The following SEMA6D variants were observed in gnomAD, a reference collection of about 807,000 sequenced individuals.
SEMA6D encodes the protein semaphorin-6D.
Under a neutral mutation model 106.6 loss-of-function variants are expected in SEMA6D, and 35 were observed. The observed-to-expected ratio is 0.33, with a 90% CI of 0.25 to 0.44. SEMA6D has a LOEUF of 0.44. SEMA6D is among the 20% of genes least tolerant of loss of function. SEMA6D has a pLI of 1.00. For synonymous variants in SEMA6D, 499 were observed against 487.7 expected, an observed-to-expected ratio of 1.02 and a Z score of -0.31; for missense variants, 1,185 against 1,345.9, an observed-to-expected ratio of 0.88 and a Z score of 1.87.
intron 1 of SEMA6D, among the ~76,000 whole-genome samples, chr15:47,731,840 T>C (rs1216733888): frequency 6.6e-6 from 1 of 152,216 alleles, no homozygotes; most frequent in African/African-American, 2.4e-5. Flanking sequence ...GTCCACGCTA[T>C]ACATAGGTGT....
At chr15:47,258,285 T>C (rs767211875) in intron 1 of SEMA6D, among the ~76,000 whole-genome samples, 8 of 152,186 alleles carry the variant, frequency 5.3e-5, no homozygotes, top group Non-Finnish European at 8.8e-5. Flanking sequence ...ACCGAATATA[T>C]TTTGATGATT....
chr15:47,206,653 CATA>C (rs1895085312), intron 1 of SEMA6D, among the ~76,000 whole-genome samples: 1 of 152,012 alleles, frequency 6.6e-6, no homozygotes, highest in African/African-American at 2.4e-5. Flanking sequence ...ATTACGCAGA[CATA>C]ATAAATGCAT....
At chr15:47,463,550 G>A (rs529361698) in intron 2 of SEMA6D, among the ~76,000 whole-genome samples, 48 of 152,274 alleles carry the variant, frequency 3.2e-4, no homozygotes, top group African/African-American at 8.4e-4. Flanking sequence ...ACATGTGTGC[G>A]TCATGGTAGG....
At chr15:47,309,858 T>G (rs1415234167) in intron 1 of SEMA6D, among the ~76,000 whole-genome samples, 1 of 152,210 alleles carries the variant, frequency 6.6e-6, no homozygotes, top group Non-Finnish European at 1.5e-5. Flanking sequence ...GGATGAGTAC[T>G]CAAAGTATGC....
intron 3 of SEMA6D, among the ~76,000 whole-genome samples, chr15:47,544,690 A>G (rs2142278996): frequency 6.6e-6 from 1 of 152,054 alleles, no homozygotes; most frequent in Non-Finnish European, 1.5e-5. Flanking sequence ...GGACTTTGGA[A>G]ATAGAGAGAA....
chr15:47,604,397 A>C (rs1426013954), intron 4 of SEMA6D, among the ~76,000 whole-genome samples: 1 of 152,210 alleles, frequency 6.6e-6, no homozygotes, highest in Non-Finnish European at 1.5e-5. Context: ...GAAAGTCTTA[A>C]GCTATTTCAT....
chr15:47,751,703 CA>C lies in SEMA6D; in HGVS notation c.-54-8038del, dbSNP rs2081446990. 2.6e-5 allele frequency among the ~76,000 whole-genome samples: 4 copies of C among 152,234 alleles called. No homozygotes were observed. In the South Asian group the frequency reaches 8.3e-4, roughly 32 times the overall value. On this transcript the variant is annotated intron_variant, in intron 1 of 18. Coordinates refer to ENST00000536845, the MANE Select transcript of SEMA6D (RefSeq NM_001358351.3). ...AATCAATCTAAATTAAACTGGAGTC[CA>C]AAATGCTAACCTTGCGCTAAGAGAT... is the stretch of plus-strand genomic sequence containing the variant.
At chr15:47,711,799 C>T (rs1291980227) in intron 4 of SEMA6D, among the ~76,000 whole-genome samples, 2 of 152,108 alleles carry the variant, frequency 1.3e-5, no homozygotes, top group East Asian at 3.8e-4. Context: ...TTTTTAGTGC[C>T]TCTTATTTGG....
rs148366286 is a variant in SEMA6D, at chr15:47,269,919, T to C, written c.-239+85501T>C. On this transcript the variant is annotated intron_variant, in intron 1 of 19. Coordinates refer to the SEMA6D transcript ENST00000558014. The stretch of plus-strand genomic sequence containing the variant: ...TATCTTTTTTTTATTTTTGCCATCA[T>C]AAGTCTGAGGTCACTTGAAATTTAG... 4.9e-4 allele frequency among the ~76,000 whole-genome samples: 75 copies of C among 151,930 alleles called. 2 individuals carry two copies. In the East Asian group the frequency reaches 0.014, roughly 29 times the overall value.
At chr15:47,436,754 C>A (rs953932700) in intron 2 of SEMA6D, among the ~76,000 whole-genome samples, 1 of 38,530 alleles carries the variant, frequency 2.6e-5, no homozygotes, top group Non-Finnish European at 4.6e-5. Flanking sequence ...AGTCCTATCT[C>A]TATTAAAAAA....
chr15:47,542,404 C>T (rs557455368), intron 3 of SEMA6D, among the ~76,000 whole-genome samples: 90 of 152,240 alleles, frequency 5.9e-4, no homozygotes, highest in Non-Finnish European at 8.8e-4. Context: ...TTTGAGCAGA[C>T]CATAGAAATG....
intron 3 of SEMA6D, among the ~76,000 whole-genome samples, chr15:47,508,619 A>G (rs552269727): frequency 2.6e-5 from 4 of 152,364 alleles, no homozygotes; most frequent in African/African-American, 9.6e-5. Flanking sequence ...GGAAAGAAGT[A>G]AGGAAGGAAG....
intron 3 of SEMA6D, among the ~76,000 whole-genome samples, chr15:47,516,403 A>C (rs866118474): frequency 2.0e-4 from 31 of 152,346 alleles, no homozygotes; most frequent in Middle Eastern, 3.4e-3. Context: ...ATGGCACATC[A>C]AAGTGACTAG....
chr15:47,759,928 T>C (rs1329506515), intron 2 of SEMA6D, 21 bp downstream of exon 2: 2 of 1,507,270 alleles, frequency 1.3e-6, no homozygotes, highest in Admixed American at 1.7e-5. Flanking sequence ...TCAAGAACAG[T>C]CTTCTATTCT....
At chr15:47,709,483 C>T (rs1422993444) in intron 4 of SEMA6D, among the ~76,000 whole-genome samples, 6 of 152,166 alleles carry the variant, frequency 3.9e-5, no homozygotes, top group African/African-American at 1.2e-4. Flanking sequence ...AGGTATTTCT[C>T]GTTTATCTCT....
At chr15:47,299,214 G>A (rs1436250761) in intron 1 of SEMA6D, among the ~76,000 whole-genome samples, 5 of 152,134 alleles carry the variant, frequency 3.3e-5, no homozygotes, top group African/African-American at 9.7e-5. Flanking sequence ...AGACCAAACC[G>A]ACAAGACACA....
chr15:47,341,870 C>T (rs2037826986), intron 1 of SEMA6D, among the ~76,000 whole-genome samples: 1 of 152,006 alleles, frequency 6.6e-6, no homozygotes, highest in African/African-American at 2.4e-5. Flanking sequence ...TAGTTTGCCT[C>T]CCACCCCTTT....
chr15:47,257,602 G>A (rs1025269330), intron 1 of SEMA6D, among the ~76,000 whole-genome samples: 4 of 151,926 alleles, frequency 2.6e-5, no homozygotes, highest in African/African-American at 4.8e-5. Context: ...TTCTGTCATT[G>A]GTTTCTAGTT....
chr15:47,748,832 T>C (rs985522652), intron 1 of SEMA6D, among the ~76,000 whole-genome samples: 25 of 152,156 alleles, frequency 1.6e-4, no homozygotes, highest in Admixed American at 1.3e-3. Context: ...AGCATTTGTG[T>C]TTTAGAAAGA....
Sources: allele counts gnomAD v4.1 joint callset (sites outside exome capture counted in the v4.1 genomes callset), GRCh38; gene constraint gnomAD v4.1.1; transcripts MANE v1.5; gene names NCBI Gene and HGNC (gene_info 2026-07-23, HGNC 2026-07-21).